Variants in ZAN observed in about 807,000 individuals in gnomAD.
ZAN encodes the protein zonadhesin.
In ZAN, 260 loss-of-function variants were observed where a neutral mutation model predicts 286.2. That is an observed-to-expected ratio of 0.91 (90% CI 0.82 to 1.01). The LOEUF (loss-of-function observed/expected upper bound fraction) is 1.01, where lower values mean the gene tolerates loss of function less well. ZAN is among the 50% of genes least tolerant of loss of function. The pLI is 0.00. For missense variants in ZAN, 3,410 were observed against 3,639.2 expected, an observed-to-expected ratio of 0.94 and a Z score of 1.62; for synonymous variants, 1,368 against 1,417.5, an observed-to-expected ratio of 0.97 and a Z score of 0.79.
At position 100,781,598 on chromosome 7, in the gene ZAN, A is replaced by AT. The variant is rs1388848436; in HGVS notation, c.6622+1859dup. Among the ~76,000 whole-genome samples the AT allele has an allele frequency of 2.5e-3, 317 of 124,994 alleles. 1 individual carries two copies. The highest frequency in any genetic ancestry group is 7.9e-3 in the African/African-American group (266 of 33,818). 82.0% of individuals were successfully genotyped at this position (124,994 alleles called of 152,430 possible). A position where few individuals can be genotyped will look rare whatever the true frequency, so the allele number is the denominator to read the frequency against. ...GGGTCCAGTGTGACCAGATCCTCTG[A>AT]TTTTTTTTTTTGAAAGAAGCTATAA... is the stretch of plus-strand genomic sequence containing the variant. On this transcript the variant is annotated intron_variant, in intron 35 of 47. Coordinates refer to ENST00000613979, the MANE Select transcript of ZAN (RefSeq NM_003386.3).
Position 100,758,313 on chromosome 7 carries a change from A to G in ZAN, c.3421A>G (p.Lys1141Glu), listed in dbSNP as rs560427132. The G allele has an allele frequency of 1.9e-6, 3 of 1,613,214 alleles. No individual in the cohort carries two copies. In the Admixed American group the frequency reaches 5.0e-5, roughly 27 times the overall value. ...QCGTHTVCQL[K>E]NGQYGCHPYA... ...TGGGACACACACCGTGTGCCAGCTT[A>G]AGAATGGCCAGTATGGATGCCACCC... Residue 1141 changes from lysine to glutamate, a missense_variant, in exon 16 of 48, where the codon AAG becomes GAG. Around this residue, in one of 7 missense-constraint regions of ZAN, gnomAD observed 1,042 missense variants for 1,058.0 expected, o/e 0.98. Coordinates refer to ENST00000613979, the MANE Select transcript of ZAN (RefSeq NM_003386.3).
chr7:100,771,426 G>GT (rs922324238), intron 28 of ZAN, among the ~76,000 whole-genome samples: 51 of 145,798 alleles, frequency 3.5e-4, no homozygotes, highest in South Asian at 6.6e-4. Context: ...AATCCAGGAG[G>GT]TTTTTTTTTT....
Position 100,765,361 on chromosome 7 carries a change from G to A in ZAN, c.4277G>A (p.Cys1426Tyr), listed in dbSNP as rs1214759391. Residue 1426 changes from cysteine to tyrosine, a missense_variant, in exon 23 of 48, where the codon TGC (cysteine) becomes TAC (tyrosine). Around this residue, in one of 7 missense-constraint regions of ZAN, gnomAD observed 1,042 missense variants for 1,058.0 expected, o/e 0.98. Coordinates refer to ENST00000613979, the MANE Select transcript of ZAN (RefSeq NM_003386.3). ...CTTCTCCCTCCACCAGCAATGGCCT[G>A]CCCGCCCAACAGCAAGTACTCCCTG... ...WREPHFCPMA[C>Y]PPNSKYSLCA... is the part of the protein sequence containing the mutation. The A allele has an allele frequency of 1.2e-6, 2 of 1,613,626 alleles. No individual in the cohort carries two copies. Among genetic ancestry groups the A allele is most frequent in the Admixed American group, 1.7e-5 (1 of 59,948 alleles).
intron 34 of ZAN, among the ~76,000 whole-genome samples, 193 bp downstream of exon 34, chr7:100,776,757 G>A (rs1470999416): frequency 1.1e-5 from 1 of 89,478 alleles, no homozygotes; most frequent in Non-Finnish European, 2.0e-5. Context: ...ACGGAGTCTT[G>A]CTCTGTCGCC....
Position 100,763,692 on chromosome 7 carries a change from C to T in ZAN, c.3987-114C>T, listed in dbSNP as rs1221642078. ...TCAAACATCCTCTGGGAGGGGTTTC[C>T]CAGCTGACAGGCTGGTTTGCCGGTC... On this transcript the variant is annotated intron_variant, in intron 20 of 47. Coordinates refer to ENST00000613979, the MANE Select transcript of ZAN (RefSeq NM_003386.3). The surrounding 1 kb of genome is among the most constrained non-coding windows in gnomAD (Gnocchi z 4.6). 1 of 1,060,854 alleles carries T rather than the reference C, an allele frequency of 9.4e-7. No homozygotes were observed. Among genetic ancestry groups the T allele is most frequent in the Non-Finnish European group, 1.4e-6 (1 of 693,850 alleles). The allele number at this position is 1,060,854 out of a possible 1,614,324, so 65.7% of individuals were successfully genotyped here.
intron 28 of ZAN, among the ~76,000 whole-genome samples, chr7:100,770,700 G>A (rs1810315113): frequency 6.6e-6 from 1 of 151,748 alleles, no homozygotes; most frequent in Non-Finnish European, 1.5e-5. Context: ...TGTTGCCCAG[G>A]CTGGAGTGCA....
At chr7:100,794,334 T>C in intron 44 of ZAN, 76 bp downstream of exon 44, 1 of 1,519,460 alleles carries the variant, frequency 6.6e-7, no homozygotes, top group South Asian at 1.3e-5. Context: ...CGTCCCCTCC[T>C]TGTCCTCAGG....
At chr7:100,744,193 C>T (rs1019112843) in intron 7 of ZAN, among the ~76,000 whole-genome samples, 20 of 150,890 alleles carry the variant, frequency 1.3e-4, no homozygotes, top group African/African-American at 4.4e-4. Context: ...CTGCCTCTGC[C>T]GTATTTTCTT....
At chr7:100,768,807 T>A in intron 27 of ZAN, 86 bp downstream of exon 27, 1 of 1,096,072 alleles carries the variant, frequency 9.1e-7, no homozygotes, top group South Asian at 1.6e-5. Context: ...CCTCTGTGTG[T>A]CCCCACTCCC....
chr7:100,750,717 A>G lies in ZAN; in HGVS notation c.1342A>G (p.Ile448Val), dbSNP rs1808596519. 6.2e-7 allele frequency: 1 copy of G among 1,613,108 alleles called. No individual in the cohort carries two copies. The highest frequency in any genetic ancestry group is 8.5e-7 in the Non-Finnish European group (1 of 1,179,622). ...VSRPFCAPGD[I>V]CVEFAYHMYG... ...CCGGCCCTTCTGCGCCCCAGGTGAC[A>G]TCTGCGTGGAGTTCGCATACCACAT... is the stretch of plus-strand genomic sequence containing the variant. Residue 448 changes from isoleucine to valine, a missense_variant, in exon 12 of 48, where the codon ATC becomes GTC. By Grantham distance (29) the Ile-to-Val change is conservative (BLOSUM62 3). This residue lies in a region of ZAN where 872 missense variants were observed against 938.9 expected (regional missense o/e 0.93). Coordinates refer to ENST00000613979, the MANE Select transcript of ZAN (RefSeq NM_003386.3).
Position 100,765,332 on chromosome 7 carries a change from C to G in ZAN, c.4268-20C>G. ...GTGGCTTGTTCGTCTCCTTCTCACC[C>G]AAGCTTCTCCCTCCACCAGCAATGG... is the stretch of plus-strand genomic sequence containing the variant. On this transcript the variant is annotated intron_variant, in intron 22 of 47. Transcript: ENST00000613979. 6.2e-7 allele frequency: 1 copy of G among 1,612,452 alleles called. No homozygotes were observed. The highest frequency in any genetic ancestry group is 8.5e-7 in the Non-Finnish European group (1 of 1,179,392).
At chr7:100,796,237 C>G (rs890496433) in intron 45 of ZAN, among the ~76,000 whole-genome samples, 1 of 152,096 alleles carries the variant, frequency 6.6e-6, no homozygotes, top group African/African-American at 2.4e-5. Flanking sequence ...TCCTTCTGTG[C>G]CTCTCCAGCA....
At chr7:100,772,773 A>T (rs1374794933) in intron 29 of ZAN, among the ~76,000 whole-genome samples, 3 of 151,734 alleles carry the variant, frequency 2.0e-5, no homozygotes, top group African/African-American at 7.3e-5. Flanking sequence ...GTGACCCAAG[A>T]TCATGCCACT....
chr7:100,773,240 C>T, intron 29 of ZAN, 45 bp from the exon 30 acceptor site: 1 of 1,597,398 alleles, frequency 6.3e-7, no homozygotes, highest in Non-Finnish European at 8.5e-7. Context: ...GGTTTGGGGG[C>T]TGGACATGCC....
chr7:100,796,751 T>A (rs980906733), intron 45 of ZAN, among the ~76,000 whole-genome samples: 3 of 152,108 alleles, frequency 2.0e-5, no homozygotes, highest in Non-Finnish European at 4.4e-5. Flanking sequence ...CAGGAAACTA[T>A]GGAAGTGACT....
chr7:100,791,973 C>G lies in ZAN; in HGVS notation c.7537C>G (p.Pro2513Ala). ...DALLRFPRAI[P>A]AEEEGQGAEL... ...TGGCTGTCTCTACTGCAGGGCTATA[C>G]CAGCGGAGGAGGAGGGACAAGGGGC... The change falls in exon 41 of 48, where the codon CCA becomes GCA. Residue 2513 changes from proline (P) to alanine (A), a missense_variant. This residue lies in a region of ZAN where 1,289 missense variants were observed against 1,314.3 expected (regional missense o/e 0.98). Coordinates refer to ENST00000613979, the MANE Select transcript of ZAN (RefSeq NM_003386.3). 2 of 1,612,052 alleles carry G rather than the reference C, an allele frequency of 1.2e-6. No homozygotes were observed. The highest frequency in any genetic ancestry group is 1.7e-6 in the Non-Finnish European group (2 of 1,179,130).
In ZAN at chr7:100,767,890, G is replaced by T. The variant is rs572763732; in HGVS notation, c.4920G>T (p.Arg1640Ser). ...TTGCACAAGGCCGGGTGACCATAAG[G>T]CTCAGCAGCAACCTCGTCCTCCTCT... ...VWLAQGRVTI[R>S]LSSNLVLLYT... Residue 1640 changes from arginine to serine, a missense_variant, in exon 26 of 48, where the codon AGG (arginine) becomes AGT (serine). Around this residue, in one of 7 missense-constraint regions of ZAN, gnomAD observed 1,042 missense variants for 1,058.0 expected, o/e 0.98. Transcript: ENST00000613979. The T allele has an allele frequency of 4.7e-5, 76 of 1,613,880 alleles. No homozygotes were observed. The highest frequency in any genetic ancestry group is 6.0e-5 in the Non-Finnish European group (71 of 1,179,860).
intron 25 of ZAN, among the ~76,000 whole-genome samples, chr7:100,767,467 GTTTTTTTTTTTT>G (rs35803818): frequency 3.8e-5 from 3 of 77,972 alleles, no homozygotes; most frequent in South Asian, 4.4e-4. Context: ...GTTTTTTGCC[GTTTTTTTTTTTT>G]TTTTTTTTTT....
Position 100,763,630 on chromosome 7 carries a change from C to T in ZAN, c.3987-176C>T, listed in dbSNP as rs1305621013. The stretch of plus-strand genomic sequence containing the variant: ...TCCTGGGCTCAAGCAATTCTCCCTG[C>T]CTCGGCCTCCCACAGTGCCTGGCCA... On this transcript the variant is annotated intron_variant, in intron 20 of 47. Coordinates refer to ENST00000613979, the MANE Select transcript of ZAN (RefSeq NM_003386.3). The surrounding 1 kb of genome is among the most constrained non-coding windows in gnomAD (Gnocchi z 4.6). Among the ~76,000 whole-genome samples the T allele has an allele frequency of 6.6e-6, 1 of 152,242 alleles. No individual in the cohort carries two copies. The highest frequency in any genetic ancestry group is 1.9e-4 in the East Asian group (1 of 5,194).
Sources: gnomAD v4.1 joint callset for allele counts (sites outside exome capture counted in the v4.1 genomes callset) on GRCh38, gnomAD v4.1.1 for gene constraint, gnomAD v4.1.1 regional missense constraint, Gnocchi (gnomAD v3.1) non-coding constraint, MANE v1.5 for transcripts, NCBI Gene and HGNC (gene_info 2026-07-23, HGNC 2026-07-21) for gene names.